COL14A1: variants seen among roughly 807,000 people sequenced by gnomAD.
COL14A1 encodes collagen alpha-1(XIV) chain.
A neutral mutation model predicts 230.3 loss-of-function variants in COL14A1; 136 were observed. The observed-to-expected ratio is 0.59, with a 90% confidence interval of 0.51 to 0.68. The LOEUF (loss-of-function observed/expected upper bound fraction) is 0.68, where lower values mean the gene tolerates loss of function less well. COL14A1 is among the 30% of genes least tolerant of loss of function. The pLI is 0.00. For synonymous variants in COL14A1, 792 were observed against 784.1 expected (o/e 1.01, Z -0.17); for missense variants, 1,976 against 2,215.8 (o/e 0.89, Z 2.17).
intron 42 of COL14A1, among the ~76,000 whole-genome samples, chr8:120,338,763 T>G (rs908169269): frequency 7.2e-5 from 11 of 152,210 alleles, no homozygotes; most frequent in Admixed American, 1.3e-4. Flanking sequence ...CATAATGTAT[T>G]AAAATATGGA....
chr8:120,314,967 G>A (rs745877422), intron 38 of COL14A1, among the ~76,000 whole-genome samples: 1 of 152,120 alleles, frequency 6.6e-6, no homozygotes, highest in Non-Finnish European at 1.5e-5. Context: ...TTACAATATT[G>A]GCCTTGCCAT....
chr8:120,327,341 T>C (rs1422121977), intron 40 of COL14A1, among the ~76,000 whole-genome samples: 1 of 152,196 alleles, frequency 6.6e-6, no homozygotes, highest in Non-Finnish European at 1.5e-5. Flanking sequence ...TCATAGACTC[T>C]TATGTGAGTC....
intron 9 of COL14A1, among the ~76,000 whole-genome samples, chr8:120,205,189 T>C (rs996853528): frequency 3.3e-5 from 5 of 152,298 alleles, no homozygotes; most frequent in Admixed American, 3.3e-4. Context: ...GGCCATTTCC[T>C]GGTCCTTTGC....
At chr8:120,262,698 A>G (rs1819376514) in intron 23 of COL14A1, among the ~76,000 whole-genome samples, 170 bp from the exon 24 acceptor site, 2 of 152,208 alleles carry the variant, frequency 1.3e-5, no homozygotes, top group African/African-American at 4.8e-5. Flanking sequence ...ACCAGTGAAT[A>G]TATTAACTCT....
At position 120,371,514 on chromosome 8, in the gene COL14A1, A is replaced by G; in HGVS notation, c.*283A>G. The G allele has an allele frequency of 2.5e-6, 1 of 397,214 alleles. No homozygotes were observed. The highest frequency in any genetic ancestry group is 4.4e-6 in the Non-Finnish European group (1 of 225,438). The allele number at this position is 397,214 out of a possible 1,614,324, so 24.6% of individuals were successfully genotyped here. ...TCCAGAGAAGAGAGCTCAAAGAGGAATTGGGAAAAATAAATTGAACTCTGG... is the reference window on the plus strand; with the variant it reads ...TCCAGAGAAGAGAGCTCAAAGAGGAGTTGGGAAAAATAAATTGAACTCTGG... On this transcript the variant is annotated 3_prime_UTR_variant, in exon 48 of 48. Coordinates refer to ENST00000297848, the MANE Select transcript of COL14A1 (RefSeq NM_021110.4).
Position 120,367,152 on chromosome 8 carries a change from T to G in COL14A1, c.5078-19T>G. 13 of 1,555,654 alleles carry G rather than the reference T, an allele frequency of 8.4e-6. No individual in the cohort carries two copies. The highest frequency in any genetic ancestry group is 1.0e-5 in the Non-Finnish European group (12 of 1,155,618). ...TTTTAAAAAGAACTTTAAACATTTT[T>G]AAAAATTATTTTAAACAGGTCTAAC... is the stretch of plus-strand genomic sequence containing the variant. On this transcript the variant is annotated intron_variant, in intron 45 of 47. Transcript: ENST00000297848.
At chr8:120,263,759 A>C (rs187803939) in intron 24 of COL14A1, among the ~76,000 whole-genome samples, 223 of 152,284 alleles carry the variant, frequency 1.5e-3, no homozygotes, top group Admixed American at 6.5e-3. Flanking sequence ...TGACCCGTCT[A>C]TCATGTACAT....
intron 34 of COL14A1, among the ~76,000 whole-genome samples, chr8:120,293,330 A>G (rs1311239790): frequency 6.6e-6 from 1 of 151,970 alleles, no homozygotes; most frequent in African/African-American, 2.4e-5. Flanking sequence ...GATTCTACAA[A>G]CACTTGTTTG....
At chr8:120,217,931 G>A (rs1469670232) in intron 14 of COL14A1, among the ~76,000 whole-genome samples, 1 of 146,728 alleles carries the variant, frequency 6.8e-6, no homozygotes, top group Non-Finnish European at 1.5e-5. Context: ...CTTGACACAT[G>A]AGGCTAACTT....
At chr8:120,218,099 C>T (rs1817815723) in intron 14 of COL14A1, among the ~76,000 whole-genome samples, 1 of 124,852 alleles carries the variant, frequency 8.0e-6, no homozygotes, top group South Asian at 2.3e-4. Flanking sequence ...AATATAAATA[C>T]ATAAATATAT....
intron 5 of COL14A1, among the ~76,000 whole-genome samples, chr8:120,179,512 A>G (rs1363839712): frequency 6.6e-6 from 1 of 152,212 alleles, no homozygotes; most frequent in Non-Finnish European, 1.5e-5. Context: ...AAGGAGAACT[A>G]CAAATTACCG....
intron 26 of COL14A1, among the ~76,000 whole-genome samples, chr8:120,271,438 G>A (rs575102266): frequency 1.3e-5 from 2 of 151,518 alleles, no homozygotes; most frequent in African/African-American, 4.8e-5. Flanking sequence ...CAAGCAAATA[G>A]ATTCACAAGG....
At position 120,280,031 on chromosome 8, in the gene COL14A1, A is replaced by G; in HGVS notation, c.3578A>G (p.Asp1193Gly). 1 of 1,613,884 alleles carries G rather than the reference A, an allele frequency of 6.2e-7. No individual in the cohort carries two copies. The highest frequency in any genetic ancestry group is 8.5e-7 in the Non-Finnish European group (1 of 1,179,850). ...KPSARHVFFV[D>G]DFDAFKKIED... The stretch of plus-strand genomic sequence containing the variant: ...AGCGCACGCCATGTCTTCTTTGTGG[A>G]TGACTTTGACGCCTTTAAGAAAATC... Residue 1193 changes from aspartate (D) to glycine (G), a missense_variant, in exon 29 of 48, where the codon GAT becomes GGT. Asp to Gly is a moderately conservative substitution (Grantham distance 94). Coordinates refer to ENST00000297848, the MANE Select transcript of COL14A1 (RefSeq NM_021110.4).
rs267601748 is a variant in COL14A1, at chr8:120,203,753, G to A, written c.922G>A (p.Glu308Lys). The A allele has an allele frequency of 1.2e-5, 19 of 1,613,702 alleles. No homozygotes were observed. Among genetic ancestry groups the A allele is most frequent in the Middle Eastern group, 3.3e-4 (2 of 6,078 alleles). The change falls in exon 9 of 48, where the codon GAA (glutamate) becomes AAA (lysine). Residue 308 changes from glutamate (E) to lysine (K), a missense_variant. By Grantham distance (56) the Glu-to-Lys change is moderately conservative. Transcript: ENST00000297848. ...DVNELQEIASEPDSTHVYNVA... is the reference protein window; with the variant it reads ...DVNELQEIASKPDSTHVYNVA... ...GAATGAGCTGCAGGAGATCGCCTCTGAACCAGACAGCACTCATGTGTACAA... is the reference window on the plus strand; with the variant it reads ...GAATGAGCTGCAGGAGATCGCCTCTAAACCAGACAGCACTCATGTGTACAA...
intron 43 of COL14A1, 78 bp from the exon 44 acceptor site, chr8:120,342,302 C>A: frequency 7.7e-6 from 11 of 1,437,082 alleles, no homozygotes; most frequent in South Asian, 2.3e-5. Flanking sequence ...TGGGGCAAGT[C>A]AGATCCACAT....
At chr8:120,332,330 C>G (rs905966627) in intron 41 of COL14A1, 136 bp downstream of exon 41, 3 of 788,214 alleles carry the variant, frequency 3.8e-6, no homozygotes, top group Non-Finnish European at 6.1e-6. Context: ...TGATAGAGAA[C>G]TCTCCCTAAA....
At chr8:120,272,365 G>A (rs1343539029) in intron 26 of COL14A1, among the ~76,000 whole-genome samples, 2 of 151,592 alleles carry the variant, frequency 1.3e-5, no homozygotes, top group Non-Finnish European at 3.0e-5. Flanking sequence ...AACTCATAGG[G>A]CCTATAAAAC....
At chr8:120,341,985 A>G (rs1335996541) in intron 43 of COL14A1, among the ~76,000 whole-genome samples, 3 of 152,334 alleles carry the variant, frequency 2.0e-5, no homozygotes, top group South Asian at 4.2e-4. Flanking sequence ...CTATTCAGCT[A>G]TAAAATGGGT....
At chr8:120,166,915 T>C (rs964076467) in intron 4 of COL14A1, among the ~76,000 whole-genome samples, 6 of 147,074 alleles carry the variant, frequency 4.1e-5, no homozygotes, top group African/African-American at 1.3e-4. Context: ...TGTGTGTGTG[T>C]GTGTGTGGTG....
Sources: allele counts gnomAD v4.1 joint callset (sites outside exome capture counted in the v4.1 genomes callset), GRCh38; gene constraint gnomAD v4.1.1; transcripts MANE v1.5; gene names NCBI Gene and HGNC (gene_info 2026-07-23, HGNC 2026-07-21).